ARIH2: variants seen among roughly 807,000 people sequenced by gnomAD.
ARIH2 encodes the protein ariadne RBR E3 ubiquitin protein ligase 2.
Under a neutral mutation model 79.8 loss-of-function variants are expected in ARIH2, and 12 were observed. The observed-to-expected ratio is 0.15, with a 90% CI of 0.10 to 0.24. ARIH2 has a LOEUF of 0.24. ARIH2 is among the 10% of genes least tolerant of loss of function. The pLI is 1.00. For missense variants in ARIH2, 301 were observed against 618.3 expected (o/e 0.49, Z 5.44); for synonymous variants, 224 against 213.9 (o/e 1.05, Z -0.41).
chr3:48,947,534 A>G (rs920601560), intron 3 of ARIH2, among the ~76,000 whole-genome samples: 5 of 152,204 alleles, frequency 3.3e-5, no homozygotes, highest in African/African-American at 9.7e-5. Flanking sequence ...TACTAGCACT[A>G]TTATACTGTA....
At chr3:48,936,646 T>C (rs571532385) in intron 3 of ARIH2, among the ~76,000 whole-genome samples, 40 of 152,026 alleles carry the variant, frequency 2.6e-4, no homozygotes, top group Non-Finnish European at 4.0e-4. Flanking sequence ...GGCACGAGAA[T>C]CGCTTGAACC....
At chr3:48,969,441 A>G (rs376656236) in intron 7 of ARIH2, among the ~76,000 whole-genome samples, 3 of 151,616 alleles carry the variant, frequency 2.0e-5, no homozygotes, top group Admixed American at 1.3e-4. Flanking sequence ...GCCATCTGCT[A>G]GGCCTGCTGA....
At chr3:48,973,612 G>A in intron 8 of ARIH2, 87 bp from the exon 9 acceptor site, 1 of 817,356 alleles carries the variant, frequency 1.2e-6, no homozygotes. Context: ...TCTAATTCAT[G>A]ATTTGTTGGC....
chr3:48,960,485 C>A (rs1381378529), intron 3 of ARIH2, among the ~76,000 whole-genome samples: 2 of 151,738 alleles, frequency 1.3e-5, no homozygotes, highest in South Asian at 2.1e-4. Context: ...AAAACCTGGC[C>A]GGGCACAATG....
In ARIH2 at chr3:48,974,870, G is replaced by A. The variant is rs1559850497; in HGVS notation, c.939+3G>A. 9 of 1,614,078 alleles carry A rather than the reference G, an allele frequency of 5.6e-6. 1 individual carries two copies. The highest frequency in any genetic ancestry group is 3.4e-4 in the Middle Eastern group (2 of 5,960). On this transcript the variant is annotated splice_donor_region_variant and intron_variant, in intron 10 of 15. Transcript: ENST00000356401. ...AGAATGGAGGCTGCAATCACATGGT[G>A]AGCAGAAGCCTCTGCAGTTTGCATG...
intron 13 of ARIH2, among the ~76,000 whole-genome samples, chr3:48,981,076 T>G (rs1194329298): frequency 7.3e-6 from 1 of 137,352 alleles, no homozygotes; most frequent in Non-Finnish European, 1.5e-5. Flanking sequence ...ACGCCTATGA[T>G]CCCAGCACTT....
chr3:48,961,208 A>T (rs1176171402), intron 3 of ARIH2, among the ~76,000 whole-genome samples: 1 of 152,152 alleles, frequency 6.6e-6, no homozygotes, highest in Non-Finnish European at 1.5e-5. Flanking sequence ...GGGATTTTCT[A>T]CAAGTAACAG....
Position 48,962,214 on chromosome 3 carries a change from TA to T in ARIH2, c.323+540del, listed in dbSNP as rs1338576449. On this transcript the variant is annotated intron_variant, in intron 4 of 15. Transcript: ENST00000356401. ...CAGCATGATGAAACCCCTTCTCTAC[TA>T]AAAATATGAAAATCAACCTGGCGTG... 4.6e-5 allele frequency among the ~76,000 whole-genome samples: 7 copies of T among 152,066 alleles called. No individual in the cohort carries two copies. In the South Asian group the frequency reaches 1.2e-3, roughly 27 times the overall value.
chr3:48,936,543 G>C (rs552655156), intron 3 of ARIH2, among the ~76,000 whole-genome samples: 2 of 152,066 alleles, frequency 1.3e-5, no homozygotes, highest in African/African-American at 4.8e-5. Context: ...AGACCAGCTA[G>C]CTAACATGGT....
chr3:48,922,931 G>C (rs1181687893), intron 2 of ARIH2, 120 bp downstream of exon 2: 1 of 152,204 alleles, frequency 6.6e-6, no homozygotes, highest in Admixed American at 6.6e-5. Flanking sequence ...CTGCTGGCCA[G>C]GCACAGTGGC....
rs2092680208 is a variant in ARIH2 at position 48,979,597 on chromosome 3, G to A, written c.1077G>A (p.Arg359=). The A allele has an allele frequency of 6.2e-7, 1 of 1,614,098 alleles. No individual in the cohort carries two copies. The highest frequency in any genetic ancestry group is 1.3e-5 in the African/African-American group (1 of 74,942). Reference sequence around the variant, plus strand: ...ACCAGAGCCAACAAGCCCAGGCGAGGGAAGCCCTCAAGAAGTACTTATTCT... The same window carrying A: ...ACCAGAGCCAACAAGCCCAGGCGAGAGAAGCCCTCAAGAAGTACTTATTCT... The part of the protein sequence containing the change: ...IVNQSQQAQA[R]EALKKYLFYF... The change falls in exon 12 of 16, where the codon AGG becomes AGA. Residue 359 remains arginine (R), a synonymous_variant. Coordinates refer to ENST00000356401, the MANE Select transcript of ARIH2 (RefSeq NM_006321.4).
At chr3:48,969,072 C>T (rs1437140196) in intron 7 of ARIH2, among the ~76,000 whole-genome samples, 1 of 151,942 alleles carries the variant, frequency 6.6e-6, no homozygotes, top group Admixed American at 6.6e-5. Context: ...TTAGTAGAGA[C>T]GGGGTTTCAC....
intron 4 of ARIH2, among the ~76,000 whole-genome samples, chr3:48,962,423 C>G (rs2091369200): frequency 6.6e-6 from 1 of 152,008 alleles, no homozygotes. Context: ...CACCCACCAC[C>G]TCTACCAGCA....
At chr3:48,931,272 G>A (rs1234001446) in intron 3 of ARIH2, among the ~76,000 whole-genome samples, 5 of 152,134 alleles carry the variant, frequency 3.3e-5, no homozygotes, top group Non-Finnish European at 5.9e-5. Flanking sequence ...TTGGCCAGGC[G>A]CAGTGGCTCA....
Position 48,983,383 on chromosome 3 carries a change from C to T in ARIH2, c.*113C>T, listed in dbSNP as rs1049830541. 23 of 982,210 alleles carry T rather than the reference C, an allele frequency of 2.3e-5. No homozygotes were observed. In the African/African-American group the frequency reaches 3.7e-4, roughly 16 times the overall value. The allele number at this position is 982,210 out of a possible 1,614,324, so 60.8% of individuals were successfully genotyped here. A position where few individuals can be genotyped will look rare whatever the true frequency, so the allele number is the denominator to read the frequency against. ...TGACCCCAGGCAACAGCCAGGGCCC[C>T]ACTCCTGAGAGACACTGGCAACACC... On this transcript the variant is annotated 3_prime_UTR_variant, in exon 16 of 16. Transcript: ENST00000356401.
chr3:48,948,314 GC>G (rs2089486659), intron 3 of ARIH2, among the ~76,000 whole-genome samples: 1 of 151,040 alleles, frequency 6.6e-6, no homozygotes, highest in Non-Finnish European at 1.5e-5. Flanking sequence ...TGTTGCCCAG[GC>G]TGGAGTGCAA....
intron 3 of ARIH2, among the ~76,000 whole-genome samples, chr3:48,947,441 CAA>C (rs71077757): frequency 9.2e-5 from 11 of 118,972 alleles, no homozygotes; most frequent in Admixed American, 1.8e-4. Context: ...AACTCTGTCT[CAA>C]AAAAAAAAAA....
At chr3:48,973,939 G>A in intron 9 of ARIH2, 123 bp downstream of exon 9, 1 of 673,670 alleles carries the variant, frequency 1.5e-6, no homozygotes. Flanking sequence ...TGAGGACTGG[G>A]GGTTTGGGGA....
chr3:48,933,238 GTGTGTGTGTGTGTGTGTGT>G (rs1559731383), intron 3 of ARIH2, among the ~76,000 whole-genome samples: 4 of 3,448 alleles, frequency 1.2e-3, no homozygotes, highest in African/African-American at 4.2e-3. Context: ...ATGCCCGGGT[GTGTGTGTGTGTGTGTGTGT>G]GTGTGTGTGT....
Sources: allele counts gnomAD v4.1 joint callset (sites outside exome capture counted in the v4.1 genomes callset), GRCh38; gene constraint gnomAD v4.1.1; transcripts MANE v1.5; gene names NCBI Gene and HGNC (gene_info 2026-07-23, HGNC 2026-07-21).